Variants in MDGA2 observed in about 807,000 individuals in gnomAD.
MDGA2 encodes the protein MAM domain containing glycosylphosphatidylinositol anchor 2.
Under a neutral mutation model 117.8 loss-of-function variants are expected in MDGA2, and 40 were observed. The ratio of observed to expected loss-of-function variants is 0.34; its 90% CI spans 0.26 to 0.44. The LOEUF (loss-of-function observed/expected upper bound fraction) is 0.44, where lower values mean the gene tolerates loss of function less well. MDGA2 is among the 20% of genes least tolerant of loss of function. The pLI is 1.00. For synonymous variants in MDGA2, 452 were observed against 439.0 expected, an observed-to-expected ratio of 1.03 and a Z score of -0.37; for missense variants, 1,123 against 1,250.6, an observed-to-expected ratio of 0.90 and a Z score of 1.54.
chr14:46,960,059 C>T (rs12587605), intron 8 of MDGA2, among the ~76,000 whole-genome samples: 17,833 of 151,562 alleles, frequency 0.12, 1,988 homozygotes, highest in African/African-American at 0.27. Context: ...CCGTCTCTAC[C>T]AAAAATACAA....
At chr14:47,298,966 G>A (rs933803551) in intron 2 of MDGA2, among the ~76,000 whole-genome samples, 1 of 152,032 alleles carries the variant, frequency 6.6e-6, no homozygotes, top group South Asian at 2.1e-4. Context: ...GATTACAGGC[G>A]TGAGCCACCG....
At chr14:47,228,422 T>C (rs1054077392) in intron 2 of MDGA2, among the ~76,000 whole-genome samples, 14 of 152,160 alleles carry the variant, frequency 9.2e-5, no homozygotes, top group South Asian at 2.1e-4. Flanking sequence ...ACACATTCAG[T>C]AGAAACTATA....
chr14:47,571,982 C>T (rs17118941), intron 1 of MDGA2, among the ~76,000 whole-genome samples: 2,198 of 152,318 alleles, frequency 0.014, 48 homozygotes, highest in African/African-American at 0.049. Context: ...ATACTTTGCT[C>T]ATTTGTTAAA....
At chr14:47,399,601 G>A (rs1332618500) in intron 1 of MDGA2, among the ~76,000 whole-genome samples, 1 of 152,104 alleles carries the variant, frequency 6.6e-6, no homozygotes, top group Non-Finnish European at 1.5e-5. Flanking sequence ...AAATTCTAAG[G>A]AGCACACATA....
chr14:46,858,482 C>A (rs1389319026), intron 14 of MDGA2, among the ~76,000 whole-genome samples: 2 of 140,252 alleles, frequency 1.4e-5, no homozygotes, highest in African/African-American at 5.4e-5. Context: ...GGCTGAAGTG[C>A]AGTGGCGCGA....
intron 8 of MDGA2, among the ~76,000 whole-genome samples, chr14:46,983,065 C>T (rs1886742533): frequency 6.6e-6 from 1 of 152,042 alleles, no homozygotes; most frequent in Admixed American, 6.6e-5. Flanking sequence ...TTGAGATAAT[C>T]ATGTGGTTTT....
intron 4 of MDGA2, among the ~76,000 whole-genome samples, chr14:47,141,142 TAAC>T (rs1359898504): frequency 1.2e-4 from 18 of 151,976 alleles, no homozygotes. Context: ...GGACAAAAAA[TAAC>T]AAATTCTGGT....
At chr14:47,179,678 G>A (rs935577433) in intron 3 of MDGA2, among the ~76,000 whole-genome samples, 5 of 151,842 alleles carry the variant, frequency 3.3e-5, no homozygotes, top group Non-Finnish European at 5.9e-5. Context: ...GAATTATAAG[G>A]TTCTATGGTT....
chr14:47,621,701 A>G (rs1897052994), intron 1 of MDGA2, among the ~76,000 whole-genome samples: 1 of 152,202 alleles, frequency 6.6e-6, no homozygotes, highest in African/African-American at 2.4e-5. Flanking sequence ...AAGAATGTCA[A>G]GTCCTACTGT....
chr14:47,008,158 CA>C (rs1363735856), intron 8 of MDGA2, among the ~76,000 whole-genome samples: 1 of 151,648 alleles, frequency 6.6e-6, no homozygotes, highest in Non-Finnish European at 1.5e-5. Context: ...TTATGTGGAC[CA>C]GGGGACCTAT....
chr14:47,359,505 C>T (rs1891067474), intron 1 of MDGA2, among the ~76,000 whole-genome samples: 1 of 152,188 alleles, frequency 6.6e-6, no homozygotes, highest in South Asian at 2.1e-4. Context: ...ATATGGTTAA[C>T]TAATTTTCAA....
intron 1 of MDGA2, among the ~76,000 whole-genome samples, chr14:47,578,910 G>T (rs1896176998): frequency 6.6e-6 from 1 of 152,066 alleles, no homozygotes; most frequent in South Asian, 2.1e-4. Context: ...TGCTTTAGTT[G>T]AAAGATTTTC....
chr14:47,373,917 C>T (rs1323937990), intron 1 of MDGA2, among the ~76,000 whole-genome samples: 1 of 152,100 alleles, frequency 6.6e-6, no homozygotes, highest in African/African-American at 2.4e-5. Flanking sequence ...ATATTATACT[C>T]ATTAACTAAA....
At chr14:47,557,075 T>G (rs1895698614) in intron 1 of MDGA2, among the ~76,000 whole-genome samples, 2 of 152,198 alleles carry the variant, frequency 1.3e-5, no homozygotes. Flanking sequence ...ACCATGCATT[T>G]GGAATCTTTC....
rs532033976 is a variant in MDGA2 at position 46,950,514 on chromosome 14, C to T, written c.2089+6860G>A. 3.9e-3 allele frequency among the ~76,000 whole-genome samples: 589 copies of T among 152,040 alleles called. 8 individuals are homozygous for T. The highest frequency in any genetic ancestry group is 0.014 in the African/African-American group (577 of 41,498). ...TGCTTAAAGTTATTTTTCAGTACAGCTGCAACTCATAAGCTGGCTAAAATA... is the reference window on the plus strand; with the variant it reads ...TGCTTAAAGTTATTTTTCAGTACAGTTGCAACTCATAAGCTGGCTAAAATA... On this transcript the variant is annotated intron_variant, in intron 9 of 16. Coordinates refer to ENST00000399232, the MANE Select transcript of MDGA2 (RefSeq NM_001113498.3).
intron 3 of MDGA2, among the ~76,000 whole-genome samples, chr14:47,201,547 A>G (rs960488604): frequency 2.6e-5 from 4 of 152,134 alleles, no homozygotes; most frequent in South Asian, 2.1e-4. Context: ...GGCATGTCCT[A>G]TGTTTCACAA....
chr14:47,071,426 CTATAATA>C (rs1890277336), intron 6 of MDGA2, among the ~76,000 whole-genome samples: 1 of 152,136 alleles, frequency 6.6e-6, no homozygotes, highest in Non-Finnish European at 1.5e-5. Context: ...ATTTAATATG[CTATAATA>C]TGTTATATGT....
intron 1 of MDGA2, among the ~76,000 whole-genome samples, chr14:47,303,940 G>T (rs770806286): frequency 1.9e-4 from 29 of 152,192 alleles, no homozygotes; most frequent in Non-Finnish European, 4.0e-4. Flanking sequence ...TATACAGTAA[G>T]CACACTGTGA....
At chr14:47,194,142 A>G (rs1367072405) in intron 3 of MDGA2, among the ~76,000 whole-genome samples, 1 of 152,166 alleles carries the variant, frequency 6.6e-6, no homozygotes, top group African/African-American at 2.4e-5. Context: ...TAGTGTTGAA[A>G]TTTAACTGAA....
Sources: gnomAD v4.1 joint callset for allele counts (sites outside exome capture counted in the v4.1 genomes callset) on GRCh38, gnomAD v4.1.1 for gene constraint, MANE v1.5 for transcripts, NCBI Gene and HGNC (gene_info 2026-07-23, HGNC 2026-07-21) for gene names.